The following INPP4A variants were observed in gnomAD, a reference collection of about 807,000 sequenced individuals.
INPP4A encodes inositol polyphosphate-4-phosphatase, type I, 107kD.
INPP4A carries 33 observed loss-of-function variants against 119.8 expected under a neutral mutation model. That is an observed-to-expected ratio of 0.28 (90% CI 0.21 to 0.37). The LOEUF is 0.37. INPP4A is among the 10% of genes least tolerant of loss of function. The probability of loss-of-function intolerance (pLI) is 1.00; values close to 1 mark genes in which losing one functional copy is unlikely to be tolerated. For missense variants in INPP4A, 956 were observed against 1,289.9 expected, an observed-to-expected ratio of 0.74 and a Z score of 3.97; for synonymous variants, 496 against 500.7, an observed-to-expected ratio of 0.99 and a Z score of 0.12.
rs1223006182 is a variant in INPP4A at position 98,587,680 on chromosome 2, C to A, written c.*72C>A. 1 of 1,160,018 alleles carries A rather than the reference C, an allele frequency of 8.6e-7. No individual in the cohort carries two copies. Among genetic ancestry groups the A allele is most frequent in the Non-Finnish European group, 1.2e-6 (1 of 828,546 alleles). The allele number at this position is 1,160,018 out of a possible 1,614,324, so 71.9% of individuals were successfully genotyped here. On this transcript the variant is annotated 3_prime_UTR_variant, in exon 25 of 25. Transcript: ENST00000409851. ...CCTCTAGTGTCATATATGAATTCTT[C>A]AAGAAGACCTGAAGGATTGGTTTTT... is the stretch of plus-strand genomic sequence containing the variant.
intron 10 of INPP4A, among the ~76,000 whole-genome samples, chr2:98,543,342 G>A (rs770250443): frequency 1.3e-5 from 2 of 152,198 alleles, no homozygotes; most frequent in Admixed American, 6.5e-5. Flanking sequence ...TCCCCTATCC[G>A]GGAGGGCAGA....
At chr2:98,575,681 G>C (rs1041221452) in intron 23 of INPP4A, among the ~76,000 whole-genome samples, 1 of 152,056 alleles carries the variant, frequency 6.6e-6, no homozygotes, top group Admixed American at 6.5e-5. Flanking sequence ...GATGATCCTG[G>C]TAGTGACTGG....
chr2:98,548,828 T>A, intron 13 of INPP4A: 1 of 831,842 alleles, frequency 1.2e-6, no homozygotes, highest in Non-Finnish European at 2.0e-6. Context: ...ATCCCTGTAG[T>A]TGGGACCTCA....
chr2:98,570,555 C>G lies in INPP4A; in HGVS notation c.2518+1887C>G. On this transcript the variant is annotated intron_variant, in intron 22 of 24. Coordinates refer to ENST00000409851, the MANE Select transcript of INPP4A (RefSeq NM_001134225.2). This position sits in a 1 kb window ranked among gnomAD's most constrained non-coding sequence, Gnocchi z 4.3. ...TGGACCACTTTGTCCCAAAGACTGT[C>G]AGCAACTTGAGGGATGGGGCTGTGG... is the stretch of plus-strand genomic sequence containing the variant. Among the ~76,000 whole-genome samples the G allele has an allele frequency of 6.6e-6, 1 of 152,108 alleles. No individual in the cohort carries two copies. Among genetic ancestry groups the G allele is most frequent in the South Asian group, 2.1e-4 (1 of 4,824 alleles).
At position 98,566,085 on chromosome 2, in the gene INPP4A, G is replaced by A. The variant is rs942333191; in HGVS notation, c.2336G>A (p.Arg779Gln). 6.9e-6 allele frequency: 11 copies of A among 1,601,380 alleles called. No individual in the cohort carries two copies. The highest frequency in any genetic ancestry group is 8.5e-6 in the Non-Finnish European group (10 of 1,174,478). Residue 779 changes from arginine to glutamine, a missense_variant, in exon 21 of 25, where the codon CGG (arginine) becomes CAG (glutamine). This residue lies in a region of INPP4A where 304 missense variants were observed against 492.1 expected (regional missense o/e 0.62). Coordinates refer to ENST00000409851, the MANE Select transcript of INPP4A (RefSeq NM_001134225.2). This position sits in a 1 kb window ranked among gnomAD's most constrained non-coding sequence, Gnocchi z 4.2. The part of the protein sequence containing the change: ...LPGPLFDALP[R>Q]EIQSGMLLRV... ...GGCCCGCTGTTTGACGCCTTGCCCCGGGAGATCCAGAGTGGCATGCTGCTG... is the reference window on the plus strand; with the variant it reads ...GGCCCGCTGTTTGACGCCTTGCCCCAGGAGATCCAGAGTGGCATGCTGCTG...
rs1694027616 is a variant in INPP4A at position 98,554,030 on chromosome 2, T to C, written c.1348-241T>C. On this transcript the variant is annotated intron_variant, in intron 14 of 24. Transcript: ENST00000409851. The surrounding 1 kb of genome is among the most constrained non-coding windows in gnomAD (Gnocchi z 4.7). ...CAGGGATCAGAGAATGTCAGAGATT[T>C]CTCAACCTCTTCTCTTCCTTGGTGG... Among the ~76,000 whole-genome samples, 1 of 152,228 alleles carries C rather than the reference T, an allele frequency of 6.6e-6. No individual in the cohort carries two copies. The highest frequency in any genetic ancestry group is 1.5e-5 in the Non-Finnish European group (1 of 68,036).
chr2:98,533,592 C>G, intron 5 of INPP4A, 97 bp downstream of exon 5: 1 of 760,528 alleles, frequency 1.3e-6, no homozygotes, highest in Non-Finnish European at 2.3e-6. Context: ...GTAGCTGAAG[C>G]TGTATTTACG....
At chr2:98,473,852 A>G (rs538956693) in intron 1 of INPP4A, among the ~76,000 whole-genome samples, 60 of 152,310 alleles carry the variant, frequency 3.9e-4, no homozygotes, top group Admixed American at 7.8e-4. Context: ...ACTGTGGGAC[A>G]TTTTCATAAC....
chr2:98,455,156 A>AGC (rs1159624522), intron 1 of INPP4A, among the ~76,000 whole-genome samples: 6 of 152,116 alleles, frequency 3.9e-5, no homozygotes, highest in African/African-American at 1.4e-4. Flanking sequence ...TGAGCAACAA[A>AGC]GCAAGACCTT....
chr2:98,583,444 G>A (rs991572198), intron 24 of INPP4A, among the ~76,000 whole-genome samples: 4 of 152,116 alleles, frequency 2.6e-5, no homozygotes, highest in Admixed American at 6.5e-5. Flanking sequence ...TCCCTGCAGC[G>A]CGATGAAGTG....
At position 98,555,746 on chromosome 2, in the gene INPP4A, T is replaced by A; in HGVS notation, c.1760T>A (p.Val587Asp). 6.3e-7 allele frequency: 1 copy of A among 1,597,344 alleles called. No individual in the cohort carries two copies. The highest frequency in any genetic ancestry group is 1.1e-5 in the South Asian group (1 of 89,000). Residue 587 changes from valine (V) to aspartate (D), a missense_variant, in exon 16 of 25, where the codon GTC becomes GAC. Val to Asp is a radical substitution (Grantham distance 152). Transcript: ENST00000409851. ...WIRPEDPFCD[V>D]PSSPCPSTMP... ...AGACCAGAAGACCCCTTCTGTGATG[T>A]CCCCTCCTCACCATGCCCCTCCACC...
chr2:98,478,287 G>A (rs771852794), intron 1 of INPP4A, among the ~76,000 whole-genome samples: 6 of 152,146 alleles, frequency 3.9e-5, no homozygotes, highest in African/African-American at 7.2e-5. Flanking sequence ...TGGAGGCCTC[G>A]TCATGACTGA....
chr2:98,499,873 G>A (rs1382438863), intron 1 of INPP4A, among the ~76,000 whole-genome samples: 1 of 152,190 alleles, frequency 6.6e-6, no homozygotes, highest in Non-Finnish European at 1.5e-5. Flanking sequence ...AGTGATGGTA[G>A]GGGAGGGTGC....
At chr2:98,534,823 C>T (rs193105988) in intron 5 of INPP4A, among the ~76,000 whole-genome samples, 4 of 152,202 alleles carry the variant, frequency 2.6e-5, no homozygotes, top group Admixed American at 6.5e-5. Flanking sequence ...AAGAAAGGAG[C>T]GTATGACAGA....
chr2:98,462,333 A>G (rs112954249), intron 1 of INPP4A, among the ~76,000 whole-genome samples: 2,349 of 152,210 alleles, frequency 0.015, 67 homozygotes, highest in African/African-American at 0.054. Flanking sequence ...CTGTAGTCCT[A>G]GCTACTCAGG....
chr2:98,471,782 A>G (rs1478716455), intron 1 of INPP4A, among the ~76,000 whole-genome samples: 1 of 152,208 alleles, frequency 6.6e-6, no homozygotes, highest in African/African-American at 2.4e-5. Flanking sequence ...AGTGCCCGAG[A>G]ACCCCTGTTG....
chr2:98,470,338 C>G (rs1023799282), intron 1 of INPP4A, among the ~76,000 whole-genome samples: 1 of 152,250 alleles, frequency 6.6e-6, no homozygotes, highest in Non-Finnish European at 1.5e-5. Flanking sequence ...TGCAGCCCCA[C>G]CTGGGGTTCC....
chr2:98,471,142 C>T (rs142752733), intron 1 of INPP4A, among the ~76,000 whole-genome samples: 2 of 152,104 alleles, frequency 1.3e-5, no homozygotes, highest in African/African-American at 4.8e-5. Flanking sequence ...GGAGGTGCCT[C>T]CTGTGTATAT....
intron 14 of INPP4A, among the ~76,000 whole-genome samples, chr2:98,553,435 G>C (rs923245898): frequency 4.6e-5 from 7 of 152,078 alleles, no homozygotes; most frequent in Non-Finnish European, 7.4e-5. Flanking sequence ...ACTTGATCCT[G>C]GTTTTAAAAT....
Sources: allele counts gnomAD v4.1 joint callset (sites outside exome capture counted in the v4.1 genomes callset), GRCh38; gene constraint gnomAD v4.1.1; regional missense constraint gnomAD v4.1.1; non-coding constraint Gnocchi (gnomAD v3.1); transcripts MANE v1.5; gene names NCBI Gene and HGNC (gene_info 2026-07-23, HGNC 2026-07-21).